Variants in UGT1A8 observed in about 807,000 individuals in gnomAD.
The protein encoded by UGT1A8 is UDP-glucuronosyltransferase 1A8.
UGT1A8 carries 39 observed loss-of-function variants against 45.3 expected under a neutral mutation model. The observed-to-expected ratio is 0.86, with a 90% CI of 0.67 to 1.12. UGT1A8 has a LOEUF of 1.12. Among genes scored for constraint, UGT1A8 ranks in the 50% most tolerant of loss-of-function variants. UGT1A8 has a pLI of 0.00. For synonymous variants in UGT1A8, 275 were observed against 249.2 expected (o/e 1.10, Z -0.97); for missense variants, 719 against 664.9 (o/e 1.08, Z -0.90).
chr2:233,751,459 G>A (rs1297643220), intron 1 of UGT1A8, among the ~76,000 whole-genome samples: 1 of 152,208 alleles, frequency 6.6e-6, no homozygotes, highest in East Asian at 1.9e-4. Context: ...TTGTTGGGAA[G>A]GCACGATTGG....
intron 1 of UGT1A8, among the ~76,000 whole-genome samples, chr2:233,692,675 G>T (rs932907325): frequency 6.6e-6 from 1 of 152,174 alleles, no homozygotes; most frequent in Non-Finnish European, 1.5e-5. Context: ...TAGAGAATTG[G>T]CAGGGGGTCC....
intron 1 of UGT1A8, chr2:233,693,715 C>T: frequency 6.2e-7 from 1 of 1,614,182 alleles, no homozygotes; most frequent in Non-Finnish European, 8.5e-7. Context: ...CAGCTGTCCT[C>T]AAGAGAGATG....
At chr2:233,748,943 C>G (rs1694067259) in intron 1 of UGT1A8, among the ~76,000 whole-genome samples, 1 of 151,688 alleles carries the variant, frequency 6.6e-6, no homozygotes, top group Admixed American at 6.6e-5. Flanking sequence ...CAAACCCACC[C>G]TATCCCACTC....
intron 1 of UGT1A8, chr2:233,689,955 C>T (rs557485607): frequency 1.1e-5 from 5 of 456,466 alleles, no homozygotes; most frequent in African/African-American, 1.0e-4. Context: ...CCTTTATTTC[C>T]ATGCTTGGAG....
intron 1 of UGT1A8, among the ~76,000 whole-genome samples, chr2:233,700,555 A>G (rs1237655916): frequency 6.6e-6 from 1 of 152,212 alleles, no homozygotes; most frequent in African/African-American, 2.4e-5. Context: ...AAGGGGTTAT[A>G]AAAATATAAC....
At chr2:233,664,478 T>C (rs1026618390) in intron 1 of UGT1A8, among the ~76,000 whole-genome samples, 2 of 152,218 alleles carry the variant, frequency 1.3e-5, no homozygotes, top group African/African-American at 4.8e-5. Flanking sequence ...AGAGGTTTAA[T>C]TGGCTCAAGA....
At chr2:233,693,013 C>A (rs1474583069) in intron 1 of UGT1A8, 1 of 1,614,116 alleles carries the variant, frequency 6.2e-7, no homozygotes, top group Non-Finnish European at 8.5e-7. Context: ...GGATGGCCTG[C>A]CTCCTTCGCT....
chr2:233,668,202 C>T (rs558905419), intron 1 of UGT1A8, among the ~76,000 whole-genome samples: 2 of 152,236 alleles, frequency 1.3e-5, no homozygotes, highest in African/African-American at 4.8e-5. Context: ...CTATCCCTCC[C>T]CCATACCCCC....
At chr2:233,637,026 C>T in intron 1 of UGT1A8, 1 of 1,614,048 alleles carries the variant, frequency 6.2e-7, no homozygotes, top group Non-Finnish European at 8.5e-7. Context: ...CTGTGGTCTT[C>T]ACCAGGGGAA....
chr2:233,747,868 C>A, intron 1 of UGT1A8: 1 of 1,613,534 alleles, frequency 6.2e-7, no homozygotes, highest in South Asian at 1.1e-5. Flanking sequence ...TACCCTCTGG[C>A]CCTGTCCTAC....
intron 1 of UGT1A8, among the ~76,000 whole-genome samples, chr2:233,716,088 T>C (rs2076485865): frequency 6.6e-6 from 1 of 152,258 alleles, no homozygotes; most frequent in Non-Finnish European, 1.5e-5. Flanking sequence ...TGTAAGCTCA[T>C]TCCTTTAACA....
At chr2:233,726,263 T>C (rs2077520511) in intron 1 of UGT1A8, among the ~76,000 whole-genome samples, 1 of 152,204 alleles carries the variant, frequency 6.6e-6, no homozygotes, top group African/African-American at 2.4e-5. Flanking sequence ...TGCAGTGGCA[T>C]GCGCCTATGG....
intron 1 of UGT1A8, among the ~76,000 whole-genome samples, chr2:233,633,657 C>A (rs1461335525): frequency 1.3e-5 from 2 of 152,084 alleles, no homozygotes. Flanking sequence ...GTGGTTATCT[C>A]CCCTTTATCA....
At chr2:233,755,462 T>C (rs1695929337) in intron 1 of UGT1A8, 1 of 276,566 alleles carries the variant, frequency 3.6e-6, no homozygotes, top group Non-Finnish European at 7.1e-6. Flanking sequence ...CTGGCCCTGC[T>C]CTCTGTGAGG....
intron 1 of UGT1A8, among the ~76,000 whole-genome samples, chr2:233,674,946 C>T (rs975095168): frequency 2.6e-5 from 4 of 152,206 alleles, no homozygotes; most frequent in East Asian, 3.8e-4. Context: ...CAGTTGGTTA[C>T]ATCTTGCTGG....
intron 1 of UGT1A8, among the ~76,000 whole-genome samples, chr2:233,675,145 G>T (rs2074311739): frequency 6.6e-6 from 1 of 152,036 alleles, no homozygotes; most frequent in African/African-American, 2.4e-5. Context: ...GCTATCCAGG[G>T]GAATTACATC....
chr2:233,746,316 G>C (rs1048806578), intron 1 of UGT1A8, among the ~76,000 whole-genome samples: 1 of 151,828 alleles, frequency 6.6e-6, no homozygotes, highest in African/African-American at 2.4e-5. Flanking sequence ...GGGCCCTGTA[G>C]ATGATCTACA....
chr2:233,631,585 C>T (rs941502158), intron 1 of UGT1A8, among the ~76,000 whole-genome samples: 1 of 152,138 alleles, frequency 6.6e-6, no homozygotes, highest in African/African-American at 2.4e-5. Flanking sequence ...TCTCTAATGA[C>T]CAGTGATGAT....
At chr2:233,760,234 A>ATG in intron 1 of UGT1A8, 1 of 1,136,914 alleles carries the variant, frequency 8.8e-7, no homozygotes, top group South Asian at 1.5e-5. Context: ...GGTTTTTGCC[A>ATG]TATATATATA....
Sources: gnomAD v4.1 joint callset for allele counts (sites outside exome capture counted in the v4.1 genomes callset) on GRCh38, gnomAD v4.1.1 for gene constraint, MANE v1.5 for transcripts, NCBI Gene and HGNC (gene_info 2026-07-23, HGNC 2026-07-21) for gene names.